DPP10: variants seen among roughly 807,000 people sequenced by gnomAD.
The protein encoded by DPP10 is inactive dipeptidyl peptidase 10.
In DPP10, 33 loss-of-function variants were observed where a neutral mutation model predicts 120.9. The ratio of observed to expected loss-of-function variants is 0.27; its 90% CI spans 0.21 to 0.37. The LOEUF (loss-of-function observed/expected upper bound fraction) is 0.37. Ranked by LOEUF, DPP10 falls within the 10% of genes least tolerant of loss-of-function variation. The pLI is 1.00. For missense variants in DPP10, 816 were observed against 942.8 expected (o/e 0.87, Z 1.76); for synonymous variants, 337 against 326.1 (o/e 1.03, Z -0.36).
intron 1 of DPP10, among the ~76,000 whole-genome samples, chr2:114,586,857 C>G (rs1303758916): frequency 6.6e-6 from 1 of 152,214 alleles, no homozygotes; most frequent in African/African-American, 2.4e-5. Context: ...TTTCTTCTCT[C>G]TTGCCATGTG....
At chr2:114,927,708 G>T (rs940289489) in intron 1 of DPP10, among the ~76,000 whole-genome samples, 2 of 152,178 alleles carry the variant, frequency 1.3e-5, no homozygotes, top group African/African-American at 2.4e-5. Context: ...AGTCCATTTT[G>T]TGTTGCAATA....
intron 3 of DPP10, among the ~76,000 whole-genome samples, chr2:115,445,916 AC>A (rs1226144149): frequency 6.6e-6 from 1 of 152,076 alleles, no homozygotes; most frequent in Non-Finnish European, 1.5e-5. Context: ...TGGGCCCAGG[AC>A]CCCACTGCTC....
intron 1 of DPP10, among the ~76,000 whole-genome samples, chr2:114,891,179 G>A (rs899096952): frequency 6.6e-6 from 1 of 152,136 alleles, no homozygotes; most frequent in Non-Finnish European, 1.5e-5. Flanking sequence ...TCTAGAATGT[G>A]GTTGGCAGCC....
chr2:115,731,180 A>G (rs1240840398), intron 8 of DPP10, among the ~76,000 whole-genome samples: 1 of 152,136 alleles, frequency 6.6e-6, no homozygotes, highest in African/African-American at 2.4e-5. Flanking sequence ...CAACATGGTG[A>G]AACCCCGTCT....
intron 1 of DPP10, among the ~76,000 whole-genome samples, chr2:114,519,772 G>A (rs1464405190): frequency 6.6e-6 from 1 of 152,144 alleles, no homozygotes; most frequent in Admixed American, 6.5e-5. Context: ...GCATTGCCCT[G>A]TTACTTATTT....
At chr2:114,986,982 G>T (rs13391284) in intron 1 of DPP10, among the ~76,000 whole-genome samples, 1 of 151,958 alleles carries the variant, frequency 6.6e-6, no homozygotes, top group Non-Finnish European at 1.5e-5. Flanking sequence ...GTTTCACTAT[G>T]TTGGCCAGGC....
intron 3 of DPP10, among the ~76,000 whole-genome samples, chr2:115,386,604 C>T (rs192769505): frequency 6.6e-6 from 1 of 152,222 alleles, no homozygotes; most frequent in Non-Finnish European, 1.5e-5. Flanking sequence ...TTGTTGATTC[C>T]TCTGCTGCTA....
intron 5 of DPP10, among the ~76,000 whole-genome samples, chr2:115,630,167 A>T (rs2085726921): frequency 6.6e-6 from 1 of 152,132 alleles, no homozygotes; most frequent in Admixed American, 6.5e-5. Flanking sequence ...TTTTGTAGCA[A>T]TTGTGAATGG....
chr2:115,388,465 A>T (rs1015526359), intron 3 of DPP10, among the ~76,000 whole-genome samples: 1 of 152,172 alleles, frequency 6.6e-6, no homozygotes, highest in Admixed American at 6.5e-5. Context: ...ATAGTAAGTC[A>T]GGTGAGAGAT....
At position 115,842,451 on chromosome 2, in the gene DPP10, A is replaced by G. The variant is rs941006659; in HGVS notation, c.*106A>G. ...CCAGAATGTCAAGGGCAGCTTACGGAGATGTCACTGGAGCAGCACGCTCAG... is the reference window on the plus strand; with the variant it reads ...CCAGAATGTCAAGGGCAGCTTACGGGGATGTCACTGGAGCAGCACGCTCAG... On this transcript the variant is annotated 3_prime_UTR_variant, in exon 26 of 26. Coordinates refer to ENST00000410059, the MANE Select transcript of DPP10 (RefSeq NM_020868.6). The G allele has an allele frequency of 1.4e-5, 19 of 1,366,956 alleles. No homozygotes were observed. The highest frequency in any genetic ancestry group is 1.8e-5 in the Non-Finnish European group (18 of 1,011,400). 84.7% of individuals were successfully genotyped at this position (1,366,956 alleles called of 1,614,324 possible).
chr2:115,211,032 A>G (rs1157060077), intron 1 of DPP10, among the ~76,000 whole-genome samples: 2 of 152,182 alleles, frequency 1.3e-5, no homozygotes, highest in African/African-American at 2.4e-5. Context: ...AAAGCAATAC[A>G]TAATTATTTG....
intron 1 of DPP10, among the ~76,000 whole-genome samples, chr2:115,183,011 GCACA>G (rs34612528): frequency 1.6e-4 from 24 of 150,332 alleles, no homozygotes; most frequent in Non-Finnish European, 2.5e-4. Flanking sequence ...ATATTTACAC[GCACA>G]CACACACACA....
chr2:114,663,660 T>TAGAGAGAGAGAGAGAGAG (rs1485631969), intron 1 of DPP10, among the ~76,000 whole-genome samples: 5 of 91,496 alleles, frequency 5.5e-5, no homozygotes, highest in African/African-American at 3.2e-4. Flanking sequence ...TATATATATA[T>TAGAGAGAGAGAGAGAGAG]ATATATATAG....
chr2:115,464,421 C>T (rs907915835), intron 3 of DPP10, among the ~76,000 whole-genome samples: 4 of 150,646 alleles, frequency 2.7e-5, no homozygotes, highest in Admixed American at 2.7e-4. Flanking sequence ...AAAACACAAA[C>T]AAAACAAAAC....
intron 1 of DPP10, among the ~76,000 whole-genome samples, chr2:114,667,025 A>G (rs958023231): frequency 1.3e-5 from 2 of 152,224 alleles, no homozygotes; most frequent in African/African-American, 4.8e-5. Flanking sequence ...TTTACTGGCA[A>G]AGAGGCCACA....
chr2:115,380,668 C>T (rs2066252851), intron 3 of DPP10, among the ~76,000 whole-genome samples: 1 of 152,026 alleles, frequency 6.6e-6, no homozygotes, highest in Non-Finnish European at 1.5e-5. Flanking sequence ...TACATTTTGG[C>T]ATGATTTTGC....
At chr2:114,864,625 A>G (rs935718327) in intron 1 of DPP10, among the ~76,000 whole-genome samples, 7 of 152,164 alleles carry the variant, frequency 4.6e-5, no homozygotes, top group African/African-American at 1.7e-4. Context: ...AAAGCCAGCA[A>G]TCAGGTAACT....
intron 3 of DPP10, among the ~76,000 whole-genome samples, chr2:115,385,154 C>T (rs1402398459): frequency 5.3e-5 from 8 of 152,130 alleles, no homozygotes; most frequent in Admixed American, 2.0e-4. Context: ...AACATGAAAA[C>T]GGACTAATAC....
In DPP10 at chr2:115,681,793, TCTTCCTTCCTTC is replaced by T. The variant is rs61041757; in HGVS notation, c.442-7877_442-7866del. 1.9e-3 allele frequency among the ~76,000 whole-genome samples: 263 copies of T among 141,390 alleles called. 1 individual carries two copies. The highest frequency in any genetic ancestry group is 0.01 in the East Asian group (50 of 4,886). The allele number at this position is 141,390 out of a possible 152,430, so 92.8% of individuals were successfully genotyped here. A position where few individuals can be genotyped will look rare whatever the true frequency, so the allele number is the denominator to read the frequency against. ...TTCTCTCTCTTTCTTTCTTTCTTTC[TCTTCCTTCCTTC>T]CTTCCTTCCTTCCTTCTTTCTTCCT... On this transcript the variant is annotated intron_variant, in intron 5 of 25. Transcript: ENST00000410059.
Sources: gnomAD v4.1 joint callset for allele counts (sites outside exome capture counted in the v4.1 genomes callset) on GRCh38, gnomAD v4.1.1 for gene constraint, MANE v1.5 for transcripts, NCBI Gene and HGNC (gene_info 2026-07-23, HGNC 2026-07-21) for gene names.